Variants in ANKRD37 observed in about 807,000 individuals in gnomAD.
ANKRD37 encodes the protein ankyrin repeat domain-containing protein 37.
ANKRD37 carries 17 observed loss-of-function variants against 19.7 expected under a neutral mutation model. That is an observed-to-expected ratio of 0.86 (90% confidence interval 0.59 to 1.29). The LOEUF is 1.29. Among genes scored for constraint, ANKRD37 ranks in the 50% most tolerant of loss-of-function variants. ANKRD37 has a pLI of 0.00. For missense variants in ANKRD37, 207 were observed against 190.4 expected, an observed-to-expected ratio of 1.09 and a Z score of -0.51; for synonymous variants, 79 against 74.5, an observed-to-expected ratio of 1.06 and a Z score of -0.31.
intron 2 of ANKRD37, among the ~76,000 whole-genome samples, chr4:185,398,210 A>G (rs905557224): frequency 6.6e-6 from 1 of 152,214 alleles, no homozygotes; most frequent in Non-Finnish European, 1.5e-5. Flanking sequence ...CGCCTGCCTC[A>G]GCCTTCCAAA....
Position 185,397,283 on chromosome 4 carries a change from G to A in ANKRD37, c.161G>A (p.Gly54Asp). ...ACFLLWQLQTGADLNQQDVLG... is the reference protein window; with the variant it reads ...ACFLLWQLQTDADLNQQDVLG... ...TTTCTTCTCTGGCAGCTGCAAACGG[G>A]CGCTGACCTCAACCAGCAGGTAACT... is the stretch of plus-strand genomic sequence containing the variant. Residue 54 changes from glycine to aspartate, a missense_variant, in exon 2 of 5, where the codon GGC (glycine) becomes GAC (aspartate). Gly to Asp is a moderately conservative substitution (Grantham distance 94). Coordinates refer to ENST00000335174, the MANE Select transcript of ANKRD37 (RefSeq NM_181726.4). The A allele has an allele frequency of 1.2e-6, 2 of 1,613,986 alleles. No homozygotes were observed. Among genetic ancestry groups the A allele is most frequent in the Non-Finnish European group, 1.7e-6 (2 of 1,180,014 alleles).
chr4:185,397,426 A>C (rs1375642017), intron 2 of ANKRD37, 124 bp downstream of exon 2: 2 of 1,240,042 alleles, frequency 1.6e-6, no homozygotes, highest in East Asian at 2.5e-5. Context: ...TGTCCAACAG[A>C]AATATAATGC....
In ANKRD37 at chr4:185,398,930, C is replaced by T. The variant is rs770613030; in HGVS notation, c.181-7C>T. On this transcript the variant is annotated splice_region_variant and splice_polypyrimidine_tract_variant and intron_variant, in intron 2 of 4. Coordinates refer to ENST00000335174, the MANE Select transcript of ANKRD37 (RefSeq NM_181726.4). ...GGAGACTCTAAAATGCACCATCTTA[C>T]CTTAAGGATGTTTTAGGAGAAGCTC... 2.5e-6 allele frequency: 4 copies of T among 1,612,068 alleles called. No homozygotes were observed. The Admixed American group carries it at 5.0e-5, about 20-fold the overall frequency.
In ANKRD37 at chr4:185,400,069, C is replaced by G; in HGVS notation, c.*52C>G. On this transcript the variant is annotated 3_prime_UTR_variant, in exon 5 of 5. Coordinates refer to ENST00000335174, the MANE Select transcript of ANKRD37 (RefSeq NM_181726.4). ...AAGAACGCCTTCATTTCATGCAAAT[C>G]TATAAGCTCCTGCTTTTGGCTTTAC... 1 of 1,479,696 alleles carries G rather than the reference C, an allele frequency of 6.8e-7. No homozygotes were observed. Among genetic ancestry groups the G allele is most frequent in the South Asian group, 1.2e-5 (1 of 83,950 alleles). The allele number at this position is 1,479,696 out of a possible 1,614,324, so 91.7% of individuals were successfully genotyped here.
chr4:185,398,537 G>A (rs761389159), intron 2 of ANKRD37, among the ~76,000 whole-genome samples: 8 of 152,218 alleles, frequency 5.3e-5, no homozygotes, highest in South Asian at 2.1e-4. Flanking sequence ...ATTTCAGAGC[G>A]TATGCTAGAA....
Position 185,399,088 on chromosome 4 carries a change from C to T in ANKRD37, c.272+60C>T, listed in dbSNP as rs1028644874. On this transcript the variant is annotated intron_variant, in intron 3 of 4. Coordinates refer to ENST00000335174, the MANE Select transcript of ANKRD37 (RefSeq NM_181726.4). The stretch of plus-strand genomic sequence containing the variant: ...TTTCTTGGATTAAACTAATCAGACT[C>T]CTGAAGCTTAGTTACATGTGCTTTT... The T allele has an allele frequency of 1.4e-5, 19 of 1,383,008 alleles. No homozygotes were observed. The African/African-American group carries it at 2.4e-4, about 18-fold the overall frequency. The allele number at this position is 1,383,008 out of a possible 1,614,324, so 85.7% of individuals were successfully genotyped here.
chr4:185,400,321 A>G, downstream of ANKRD37: 1 of 1,283,312 alleles, frequency 7.8e-7, no homozygotes, highest in South Asian at 1.3e-5. Context: ...ATTTAATGTG[A>G]AAAATTAAAC....
At chr4:185,399,427 C>T (rs2095510363) in intron 3 of ANKRD37, 143 bp from the exon 4 acceptor site, 1 of 835,366 alleles carries the variant, frequency 1.2e-6, no homozygotes, top group Non-Finnish European at 1.9e-6. Flanking sequence ...CAATAGTGAC[C>T]AAAAATGCAA....
chr4:185,400,720 G>A (rs1184220977), downstream of ANKRD37: 3 of 367,934 alleles, frequency 8.2e-6, no homozygotes, highest in Non-Finnish European at 1.5e-5. Flanking sequence ...AAATTTACCT[G>A]TAACTGTTAT....
chr4:185,400,461 C>G, downstream of ANKRD37: 1 of 1,613,740 alleles, frequency 6.2e-7, no homozygotes, highest in Non-Finnish European at 8.5e-7. Context: ...AATCTGGGCC[C>G]TTCCATCCGC....
At chr4:185,400,420 CA>C, downstream of ANKRD37, 5 of 1,613,812 alleles carry the variant, frequency 3.1e-6, no homozygotes, top group Non-Finnish European at 4.2e-6. Flanking sequence ...CTGAGGAAGA[CA>C]TAAGTTATAG....
At chr4:185,398,156 C>T (rs940988903) in intron 2 of ANKRD37, among the ~76,000 whole-genome samples, 1 of 152,026 alleles carries the variant, frequency 6.6e-6, no homozygotes, top group African/African-American at 2.4e-5. Context: ...CAGGGTTTCA[C>T]CATGTTGGCC....
In ANKRD37 at chr4:185,397,414, G is replaced by A. The variant is rs1224340608; in HGVS notation, c.180+112G>A. Reference sequence around the variant, plus strand: ...CTGTTAAAAACATGTCTATAGCAGCGATGTCCAACAGAAATATAATGCAAG... The same window carrying A: ...CTGTTAAAAACATGTCTATAGCAGCAATGTCCAACAGAAATATAATGCAAG... On this transcript the variant is annotated intron_variant, in intron 2 of 4. Transcript: ENST00000335174. The A allele has an allele frequency of 6.8e-6, 9 of 1,323,938 alleles. No homozygotes were observed. The Admixed American group carries it at 7.8e-5, about 11-fold the overall frequency. The allele number at this position is 1,323,938 out of a possible 1,614,324, so 82.0% of individuals were successfully genotyped here. A position where few individuals can be genotyped will look rare whatever the true frequency, so the allele number is the denominator to read the frequency against.
At chr4:185,398,021 G>C (rs555776623) in intron 2 of ANKRD37, among the ~76,000 whole-genome samples, 1 of 152,182 alleles carries the variant, frequency 6.6e-6, no homozygotes, top group African/African-American at 2.4e-5. Context: ...GCAATGGCGC[G>C]ATCTCGGCTC....
chr4:185,398,906 GA>G, intron 2 of ANKRD37, 30 bp from the exon 3 acceptor site: 1 of 1,576,714 alleles, frequency 6.3e-7, no homozygotes, highest in Non-Finnish European at 8.7e-7. Flanking sequence ...GTGTTTTTGG[GA>G]GACTCTAAAA....
At position 185,396,881 on chromosome 4, in the gene ANKRD37, C is replaced by T. The variant is rs2095504832; in HGVS notation, c.-43C>T. On this transcript the variant is annotated 5_prime_UTR_variant, in exon 1 of 5. Coordinates refer to ENST00000335174, the MANE Select transcript of ANKRD37 (RefSeq NM_181726.4). ...TCGGGGTGCGGCGAGTGTCTCACCT[C>T]TCTGCACTTCCAAGGACTCTTGTCA... The T allele has an allele frequency of 1.2e-6, 2 of 1,610,056 alleles. No homozygotes were observed. Among genetic ancestry groups the T allele is most frequent in the Non-Finnish European group, 1.7e-6 (2 of 1,178,290 alleles).
chr4:185,400,386 G>A (rs775222320), downstream of ANKRD37: 6 of 1,606,866 alleles, frequency 3.7e-6, no homozygotes, highest in South Asian at 1.1e-5. Context: ...TTGACTCCAA[G>A]ATATTTTAAA....
chr4:185,397,931 A>T (rs1341982758), intron 2 of ANKRD37, among the ~76,000 whole-genome samples: 1 of 152,244 alleles, frequency 6.6e-6, no homozygotes, highest in African/African-American at 2.4e-5. Flanking sequence ...TTATTTGCTT[A>T]CATTTTAATG....
At chr4:185,399,504 G>A in intron 3 of ANKRD37, 66 bp from the exon 4 acceptor site, 20 of 1,483,242 alleles carry the variant, frequency 1.3e-5, no homozygotes, top group Non-Finnish European at 1.8e-5. Flanking sequence ...AAATTCCCTT[G>A]TAAGATATAA....
Sources: gnomAD v4.1 joint callset for allele counts (sites outside exome capture counted in the v4.1 genomes callset) on GRCh38, gnomAD v4.1.1 for gene constraint, MANE v1.5 for transcripts, NCBI Gene and HGNC (gene_info 2026-07-23, HGNC 2026-07-21) for gene names.